KCNQ3: variants seen among roughly 807,000 people sequenced by gnomAD.
KCNQ3 encodes potassium voltage-gated channel subfamily KQT member 3.
In KCNQ3, 30 loss-of-function variants were observed where a neutral mutation model predicts 92.5. The ratio of observed to expected loss-of-function variants is 0.32; its 90% CI spans 0.24 to 0.44. The LOEUF (loss-of-function observed/expected upper bound fraction) is 0.44. Ranked by LOEUF, KCNQ3 falls within the 20% of genes least tolerant of loss-of-function variation. The pLI is 1.00. For missense variants in KCNQ3, 913 were observed against 1,140.3 expected (o/e 0.80, Z 2.87); for synonymous variants, 450 against 468.8 (o/e 0.96, Z 0.52).
At chr8:132,238,758 A>T (rs983363415) in intron 1 of KCNQ3, among the ~76,000 whole-genome samples, 1 of 152,230 alleles carries the variant, frequency 6.6e-6, no homozygotes, top group African/African-American at 2.4e-5. Context: ...GCTCACGAGC[A>T]AATTCTCAGT....
chr8:132,442,869 G>GA (rs1821573802), intron 1 of KCNQ3, among the ~76,000 whole-genome samples: 1 of 152,066 alleles, frequency 6.6e-6, no homozygotes, highest in South Asian at 2.1e-4. Flanking sequence ...TAGATTTAGA[G>GA]AAAAAAATGT....
chr8:132,378,642 C>T (rs1223849400), intron 1 of KCNQ3, among the ~76,000 whole-genome samples: 4 of 152,068 alleles, frequency 2.6e-5, no homozygotes, highest in Admixed American at 6.5e-5. Context: ...GTTTGTTTTC[C>T]GAATGGAGGG....
intron 1 of KCNQ3, among the ~76,000 whole-genome samples, chr8:132,408,212 A>G (rs1387567212): frequency 2.6e-5 from 4 of 152,320 alleles, no homozygotes; most frequent in Middle Eastern, 3.4e-3. Context: ...CGTTTTCCCA[A>G]AATTCTCCCT....
intron 1 of KCNQ3, among the ~76,000 whole-genome samples, chr8:132,474,016 A>G (rs993439398): frequency 6.6e-6 from 1 of 152,204 alleles, no homozygotes; most frequent in Admixed American, 6.5e-5. Flanking sequence ...TTGGTTTGTC[A>G]ACAGGAGAGT....
intron 1 of KCNQ3, among the ~76,000 whole-genome samples, chr8:132,226,678 G>T (rs111281412): frequency 5.1e-4 from 78 of 152,214 alleles, no homozygotes; most frequent in African/African-American, 1.9e-3. Flanking sequence ...TGGTCACCCC[G>T]GGAAGACAGC....
chr8:132,220,750 T>C (rs552961792), intron 1 of KCNQ3, among the ~76,000 whole-genome samples: 3 of 151,978 alleles, frequency 2.0e-5, no homozygotes, highest in South Asian at 4.2e-4. Context: ...TAAATAAATA[T>C]ATACATAAAT....
intron 1 of KCNQ3, among the ~76,000 whole-genome samples, chr8:132,415,042 T>C (rs575137938): frequency 2.0e-4 from 30 of 152,164 alleles, no homozygotes; most frequent in Non-Finnish European, 3.7e-4. Flanking sequence ...TCTGGCCTGA[T>C]TGCATCAGCT....
intron 1 of KCNQ3, among the ~76,000 whole-genome samples, chr8:132,224,802 T>C (rs1008144320): frequency 6.6e-6 from 1 of 152,212 alleles, no homozygotes; most frequent in African/African-American, 2.4e-5. Context: ...TCCATTCTGC[T>C]CATTGGAATC....
intron 1 of KCNQ3, among the ~76,000 whole-genome samples, chr8:132,272,746 C>G (rs969177872): frequency 1.2e-4 from 19 of 152,132 alleles, no homozygotes; most frequent in Non-Finnish European, 2.8e-4. Flanking sequence ...ATTCAATTAC[C>G]TTCCACTGGG....
chr8:132,424,652 T>C (rs1032752499), intron 1 of KCNQ3, among the ~76,000 whole-genome samples: 1 of 152,244 alleles, frequency 6.6e-6, no homozygotes. Context: ...CAGGAACTTA[T>C]GTGTCACAGT....
At chr8:132,261,459 G>A (rs1019358966) in intron 1 of KCNQ3, among the ~76,000 whole-genome samples, 1 of 152,156 alleles carries the variant, frequency 6.6e-6, no homozygotes, top group South Asian at 2.1e-4. Flanking sequence ...TTCTCTGACT[G>A]GCTCACTTCC....
chr8:132,304,231 AG>A (rs1346753962), intron 1 of KCNQ3, among the ~76,000 whole-genome samples: 1 of 152,194 alleles, frequency 6.6e-6, no homozygotes, highest in Non-Finnish European at 1.5e-5. Flanking sequence ...GTTACATAAA[AG>A]TCTAGAATTC....
intron 1 of KCNQ3, among the ~76,000 whole-genome samples, chr8:132,448,410 G>A (rs894702869): frequency 4.6e-5 from 7 of 150,664 alleles, no homozygotes; most frequent in Non-Finnish European, 1.0e-4. Flanking sequence ...AGTGTCAAGG[G>A]AGTTCAAAAG....
chr8:132,175,161 C>T (rs1001379938), intron 5 of KCNQ3, among the ~76,000 whole-genome samples: 1 of 152,218 alleles, frequency 6.6e-6, no homozygotes, highest in Non-Finnish European at 1.5e-5. Context: ...TTTGCACATG[C>T]ATGGCTTGGC....
Position 132,336,921 on chromosome 8 carries a change from T to C in KCNQ3, c.386+143226A>G, listed in dbSNP as rs76712652. On this transcript the variant is annotated intron_variant, in intron 1 of 14. Transcript: ENST00000388996. The stretch of plus-strand genomic sequence containing the variant: ...TAGCCAATGGGCCTCTACAGGAATC[T>C]AGAATCCAGCCCACATTCCATTCAG... 2.6e-3 allele frequency among the ~76,000 whole-genome samples: 393 copies of C among 152,322 alleles called. 15 individuals carry two copies. The East Asian group carries it at 0.061, about 24-fold the overall frequency.
At position 132,140,125 on chromosome 8, in the gene KCNQ3, G is replaced by C. The variant is rs1480684032; in HGVS notation, c.1519C>G (p.Pro507Ala). 1 of 1,612,494 alleles carries C rather than the reference G, an allele frequency of 6.2e-7. No homozygotes were observed. Among genetic ancestry groups the C allele is most frequent in the Non-Finnish European group, 8.5e-7 (1 of 1,179,442 alleles). ...AGGGTGGGGATCATGTCTTCGATGG[G>C]GAAGTCATTCCCATAGCCCCTGTCT... ...AEDRGYGNDFPIEDMIPTLKA... is the reference protein window; with the variant it reads ...AEDRGYGNDFAIEDMIPTLKA... The change falls in exon 11 of 15, where the codon CCC becomes GCC. Residue 507 changes from proline (P) to alanine (A), a missense_variant. Physicochemically the swap from Pro to Ala is conservative, Grantham distance 27. Coordinates refer to ENST00000388996, the MANE Select transcript of KCNQ3 (RefSeq NM_004519.4).
chr8:132,272,570 C>T (rs1187705713), intron 1 of KCNQ3, among the ~76,000 whole-genome samples: 1 of 152,060 alleles, frequency 6.6e-6, no homozygotes, highest in Non-Finnish European at 1.5e-5. Flanking sequence ...GCTGGGGAGG[C>T]CTCACAATCA....
chr8:132,396,087 T>C (rs1213027670), intron 1 of KCNQ3, among the ~76,000 whole-genome samples: 1 of 152,088 alleles, frequency 6.6e-6, no homozygotes. Context: ...GCAGTGAGGA[T>C]TAGAGGAGAT....
intron 1 of KCNQ3, among the ~76,000 whole-genome samples, chr8:132,320,814 C>G (rs958190369): frequency 6.6e-6 from 1 of 152,176 alleles, no homozygotes; most frequent in African/African-American, 2.4e-5. Context: ...ATGCTGGTGC[C>G]TGATCATGTT....
Sources: allele counts gnomAD v4.1 joint callset (sites outside exome capture counted in the v4.1 genomes callset), GRCh38; gene constraint gnomAD v4.1.1; transcripts MANE v1.5; gene names NCBI Gene and HGNC (gene_info 2026-07-23, HGNC 2026-07-21).